Variants in CUL4A observed in about 807,000 individuals in gnomAD.
CUL4A encodes the protein cullin-4A.
Under a neutral mutation model 95.5 loss-of-function variants are expected in CUL4A, and 16 were observed. The observed-to-expected ratio is 0.17, with a 90% CI of 0.11 to 0.25. CUL4A has a LOEUF of 0.25. Ranked by LOEUF, CUL4A falls within the 10% of genes least tolerant of loss-of-function variation. The pLI is 1.00. For missense variants in CUL4A, 610 were observed against 937.0 expected (o/e 0.65, Z 4.56); for synonymous variants, 380 against 353.1 (o/e 1.08, Z -0.85).
At chr13:113,229,663 T>C (rs1308972744) in intron 5 of CUL4A, 144 bp downstream of exon 5, 1 of 672,560 alleles carries the variant, frequency 1.5e-6, no homozygotes, top group Non-Finnish European at 2.6e-6. Context: ...AACGTGAACG[T>C]AGGAGTCCAG....
At chr13:113,218,245 A>G (rs941958952) in intron 2 of CUL4A, among the ~76,000 whole-genome samples, 3 of 152,176 alleles carry the variant, frequency 2.0e-5, no homozygotes, top group African/African-American at 4.8e-5. Flanking sequence ...CTCAAAAAAA[A>G]AAGATTTCTT....
At chr13:113,259,621 A>G (rs536199627) in intron 18 of CUL4A, among the ~76,000 whole-genome samples, 190 of 152,272 alleles carry the variant, frequency 1.2e-3, no homozygotes, top group African/African-American at 4.3e-3. Flanking sequence ...TAACCTTTCA[A>G]CTGCTACAGT....
rs2040894311 is a variant in CUL4A at position 113,221,455 on chromosome 13, T to C, written c.368+2407T>C. 1.3e-5 allele frequency among the ~76,000 whole-genome samples: 2 copies of C among 152,238 alleles called. 1 individual carries two copies. The highest frequency in any genetic ancestry group is 4.1e-4 in the South Asian group (2 of 4,836). ...TGATGCCAGGCCCTGGGAAAATAAA[T>C]CTGAGCAGAATGGGATTCTGTCCCT... is the stretch of plus-strand genomic sequence containing the variant. On this transcript the variant is annotated intron_variant, in intron 3 of 19. Coordinates refer to ENST00000375440, the MANE Select transcript of CUL4A (RefSeq NM_001008895.4).
intron 10 of CUL4A, among the ~76,000 whole-genome samples, chr13:113,241,493 T>TGCCCTTTC (rs2041708095): frequency 6.7e-6 from 1 of 148,658 alleles, no homozygotes; most frequent in Admixed American, 6.7e-5. Flanking sequence ...GGAGAGTCTG[T>TGCCCTTTC]GCCCTTTCTG....
Position 113,266,903 on chromosome 13 carries a change from T to C in CUL4A, c.*3321T>C, listed in dbSNP as rs2042405248. Reference sequence around the variant, plus strand: ...TATTATTGTATAAATTTATAGAGTATAAAGTGATCTTATAAATTATGCATA... The same window carrying C: ...TATTATTGTATAAATTTATAGAGTACAAAGTGATCTTATAAATTATGCATA... On this transcript the variant is annotated 3_prime_UTR_variant, in exon 20 of 20. Transcript: ENST00000375440. The C allele has an allele frequency of 6.6e-6, 1 of 152,216 alleles. No individual in the cohort carries two copies. The highest frequency in any genetic ancestry group is 6.5e-5 in the Admixed American group (1 of 15,286). 9.4% of individuals were successfully genotyped at this position (152,216 alleles called of 1,614,324 possible). A position where few individuals can be genotyped will look rare whatever the true frequency, so the allele number is the denominator to read the frequency against.
Position 113,233,212 on chromosome 13 carries a change from T to C in CUL4A, c.548T>C (p.Ile183Thr). 6.2e-7 allele frequency: 1 copy of C among 1,614,134 alleles called. No individual in the cohort carries two copies. The highest frequency in any genetic ancestry group is 8.5e-7 in the Non-Finnish European group (1 of 1,179,984). The change falls in exon 6 of 20, where the codon ATT (isoleucine) becomes ACT (threonine). Residue 183 changes from isoleucine (I) to threonine (T), a missense_variant. Around this residue, in one of 10 missense-constraint regions of CUL4A, gnomAD observed 97 missense variants for 100.3 expected, o/e 0.97. Coordinates refer to ENST00000375440, the MANE Select transcript of CUL4A (RefSeq NM_001008895.4). ...TTAGAACTGTTTAGAACCCATATTATTAGTGATAAAATGGTTCAGAGTAAA... is the reference window on the plus strand; with the variant it reads ...TTAGAACTGTTTAGAACCCATATTACTAGTGATAAAATGGTTCAGAGTAAA... ...MGLELFRTHI[I>T]SDKMVQSKTI...
At chr13:113,249,644 C>G (rs957649274) in intron 15 of CUL4A, among the ~76,000 whole-genome samples, 1 of 152,240 alleles carries the variant, frequency 6.6e-6, no homozygotes, top group Non-Finnish European at 1.5e-5. Context: ...CTGGGTCATG[C>G]AGTAACTTGA....
At chr13:113,232,533 G>A (rs921992070) in intron 5 of CUL4A, among the ~76,000 whole-genome samples, 1 of 152,216 alleles carries the variant, frequency 6.6e-6, no homozygotes, top group African/African-American at 2.4e-5. Context: ...GGCCACTGGG[G>A]ACAGTAGGAG....
chr13:113,256,459 C>G (rs1344335878), intron 18 of CUL4A, among the ~76,000 whole-genome samples: 1 of 152,124 alleles, frequency 6.6e-6, no homozygotes, highest in Non-Finnish European at 1.5e-5. Flanking sequence ...ATAATGTGTA[C>G]TTGTCTTAGT....
intron 15 of CUL4A, among the ~76,000 whole-genome samples, chr13:113,249,318 C>G (rs1301885918): frequency 1.3e-5 from 2 of 151,778 alleles, no homozygotes; most frequent in African/African-American, 4.8e-5. Context: ...CCATGCTGTG[C>G]CATACATCAG....
chr13:113,230,030 CAT>C (rs771230701), intron 5 of CUL4A: 3 of 226,938 alleles, frequency 1.3e-5, no homozygotes, highest in Non-Finnish European at 2.6e-5. Flanking sequence ...ACGGACCCCA[CAT>C]GTCCTCTGCT....
chr13:113,232,213 T>G (rs1240498198), intron 5 of CUL4A, among the ~76,000 whole-genome samples: 3 of 4,814 alleles, frequency 6.2e-4, no homozygotes, highest in African/African-American at 1.3e-3. Flanking sequence ...CCCACCACCA[T>G]TACTGCTGCC....
At chr13:113,242,271 A>C (rs2041737978) in intron 10 of CUL4A, among the ~76,000 whole-genome samples, 2 of 152,066 alleles carry the variant, frequency 1.3e-5, no homozygotes, top group Non-Finnish European at 2.9e-5. Flanking sequence ...CTCAAAACAA[A>C]AAAAAAAAAG....
At chr13:113,234,620 T>G (rs1040122063) in intron 7 of CUL4A, among the ~76,000 whole-genome samples, 1 of 152,218 alleles carries the variant, frequency 6.6e-6, no homozygotes, top group African/African-American at 2.4e-5. Context: ...GGGCGTACTT[T>G]GAGGTCTCCT....
At chr13:113,263,423 T>C in intron 19 of CUL4A, 64 bp from the exon 20 acceptor site, 1 of 841,524 alleles carries the variant, frequency 1.2e-6, no homozygotes, top group Non-Finnish European at 1.9e-6. Flanking sequence ...ATATACCCCT[T>C]GTATGTAAAT....
upstream of CUL4A, chr13:113,208,886 C>T (rs1033016011): frequency 4.9e-5 from 69 of 1,394,734 alleles, no homozygotes; most frequent in Non-Finnish European, 6.1e-5. Flanking sequence ...CGGGCCCGCC[C>T]GGGCTGAGGG....
chr13:113,209,805 G>A (rs2040287234), intron 1 of CUL4A, 30 bp downstream of exon 1: 3 of 1,166,444 alleles, frequency 2.6e-6, no homozygotes, highest in Admixed American at 4.7e-5. Flanking sequence ...CGAGGGCCAG[G>A]CGCCCCGGGC....
At chr13:113,208,340 C>G, upstream of CUL4A, 1 of 1,432,540 alleles carries the variant, frequency 7.0e-7, no homozygotes, top group Non-Finnish European at 9.1e-7. Flanking sequence ...GGGACCGCCG[C>G]GTCTACTTAC....
chr13:113,221,723 G>T (rs1030385113), intron 3 of CUL4A, among the ~76,000 whole-genome samples: 10 of 152,042 alleles, frequency 6.6e-5, no homozygotes, highest in African/African-American at 2.4e-4. Flanking sequence ...GATTACAGGC[G>T]CCCACCACCA....
Sources: allele counts gnomAD v4.1 joint callset (sites outside exome capture counted in the v4.1 genomes callset), GRCh38; gene constraint gnomAD v4.1.1; regional missense constraint gnomAD v4.1.1; transcripts MANE v1.5; gene names NCBI Gene and HGNC (gene_info 2026-07-23, HGNC 2026-07-21).